EPN3: variants seen among roughly 807,000 people sequenced by gnomAD.
The protein encoded by EPN3 is epsin-3.
In EPN3, 56 loss-of-function variants were observed where a neutral mutation model predicts 55.5. The observed-to-expected ratio is 1.01, with a 90% CI of 0.81 to 1.26. The LOEUF is 1.26. Ranked by LOEUF, EPN3 falls within the 50% of genes most tolerant of loss-of-function variation. The pLI, the probability that EPN3 is intolerant of heterozygous loss-of-function variation, is 0.00. For synonymous variants in EPN3, 449 were observed against 375.2 expected (o/e 1.20, Z -2.27); for missense variants, 927 against 853.4 (o/e 1.09, Z -1.07).
chr17:50,537,888 C>T (rs575664496), intron 2 of EPN3, 191 bp from the exon 3 acceptor site: 18 of 568,048 alleles, frequency 3.2e-5, no homozygotes, highest in Middle Eastern at 7.1e-4. Flanking sequence ...GGACTGGAGC[C>T]GCCCCTCCAT....
chr17:50,535,515 G>T (rs1315003810), intron 1 of EPN3, among the ~76,000 whole-genome samples: 1 of 152,170 alleles, frequency 6.6e-6, no homozygotes, highest in African/African-American at 2.4e-5. Flanking sequence ...CCAGGTCATA[G>T]CATTTCTTCT....
At chr17:50,535,234 GAGA>G (rs528254322) in intron 1 of EPN3, among the ~76,000 whole-genome samples, 79 of 152,356 alleles carry the variant, frequency 5.2e-4, no homozygotes, top group Non-Finnish European at 1.0e-3. Flanking sequence ...CATTCTAGCT[GAGA>G]AGGTGGGACT....
chr17:50,541,287 G>C lies in EPN3; in HGVS notation c.1308G>C (p.Glu436Asp). Residue 436 changes from glutamate (E) to aspartate (D), a missense_variant, in exon 8 of 10, where the codon GAG (glutamate) becomes GAC (aspartate). Glu to Asp is a conservative substitution (Grantham distance 45, BLOSUM62 2). Coordinates refer to ENST00000268933, the MANE Select transcript of EPN3 (RefSeq NM_017957.3). Reference sequence around the variant, plus strand: ...CTCCAGAATCCACAGAGACCAAGGAGGGGCTGGAGCAGGCCCTGCCCTCTG... The same window carrying C: ...CTCCAGAATCCACAGAGACCAAGGACGGGCTGGAGCAGGCCCTGCCCTCTG... The part of the protein sequence containing the change: ...AKPPESTETK[E>D]GLEQALPSGK... 1 of 1,613,434 alleles carries C rather than the reference G, an allele frequency of 6.2e-7. No individual in the cohort carries two copies. The highest frequency in any genetic ancestry group is 8.5e-7 in the Non-Finnish European group (1 of 1,180,014).
chr17:50,538,095 C>T lies in EPN3; in HGVS notation c.579C>T (p.Pro193=), dbSNP rs771065300. ...PSSYNSSSSS[P]RYTSDLEQAR... Reference sequence around the variant, plus strand: ...TCATTGCAGCCTCCTCTTCGTCACCCCGCTATACCTCCGACCTGGAGCAGG... The same window carrying T: ...TCATTGCAGCCTCCTCTTCGTCACCTCGCTATACCTCCGACCTGGAGCAGG... Residue 193 remains proline, a synonymous_variant, in exon 3 of 10, where the codon CCC becomes CCT. Coordinates refer to ENST00000268933, the MANE Select transcript of EPN3 (RefSeq NM_017957.3). 1.9e-6 allele frequency: 3 copies of T among 1,613,996 alleles called. No individual in the cohort carries two copies. The highest frequency in any genetic ancestry group is 1.7e-5 in the Admixed American group (1 of 60,010).
At position 50,536,847 on chromosome 17, in the gene EPN3, C is replaced by T. The variant is rs755709331; in HGVS notation, c.291C>T (p.Arg97=). The T allele has an allele frequency of 7.4e-6, 12 of 1,614,006 alleles. No homozygotes were observed. Among genetic ancestry groups the T allele is most frequent in the African/African-American group, 4.0e-5 (3 of 74,920 alleles). The change falls in exon 2 of 10, where the codon CGC becomes CGT. Residue 97 remains arginine (R), a synonymous_variant. Coordinates refer to ENST00000268933, the MANE Select transcript of EPN3 (RefSeq NM_017957.3). The stretch of plus-strand genomic sequence containing the variant: ...CCGAGCGGGTGGCCCACCAGTGCCG[C>T]GAGAACCTCTACACCATCCAGACAC... ...TGSERVAHQC[R]ENLYTIQTLK... is the part of the protein sequence containing the mutation.
At position 50,541,047 on chromosome 17, in the gene EPN3, A is replaced by T; in HGVS notation, c.1234A>T (p.Thr412Ser). The change falls in exon 7 of 10, where the codon ACC (threonine) becomes TCC (serine). Residue 412 changes from threonine (T) to serine (S), a missense_variant. Physicochemically the swap from Thr to Ser is moderately conservative, Grantham distance 58. Coordinates refer to ENST00000268933, the MANE Select transcript of EPN3 (RefSeq NM_017957.3). Reference protein sequence around the residue: ...GADPWGASLETSDTPGGASTF... With the variant: ...GADPWGASLESSDTPGGASTF... Reference sequence around the variant, plus strand: ...TGACCCTTGGGGAGCCTCCCTGGAGACCTCCGACACACCTGGTAAGAAGAG... The same window carrying T: ...TGACCCTTGGGGAGCCTCCCTGGAGTCCTCCGACACACCTGGTAAGAAGAG... 6.3e-7 allele frequency: 1 copy of T among 1,580,012 alleles called. No homozygotes were observed.
rs2144041714 is a variant in EPN3 at position 50,542,239 on chromosome 17, C to T, written c.*82C>T. 4 of 1,365,756 alleles carry T rather than the reference C, an allele frequency of 2.9e-6. No homozygotes were observed. Among genetic ancestry groups the T allele is most frequent in the Non-Finnish European group, 3.8e-6 (4 of 1,061,356 alleles). 84.6% of individuals were successfully genotyped at this position (1,365,756 alleles called of 1,614,324 possible). On this transcript the variant is annotated 3_prime_UTR_variant, in exon 10 of 10. Transcript: ENST00000268933. ...TCCGGACCCGGGGCTGGGCGGGGCGCCGGTGCTAGTGGAACGCCGAGCCAG... is the reference window on the plus strand; with the variant it reads ...TCCGGACCCGGGGCTGGGCGGGGCGTCGGTGCTAGTGGAACGCCGAGCCAG...
In EPN3 at chr17:50,536,986, C is replaced by G. The variant is rs371019202; in HGVS notation, c.430C>G (p.Arg144Gly). The G allele has an allele frequency of 6.2e-7, 1 of 1,613,686 alleles. No homozygotes were observed. Among genetic ancestry groups the G allele is most frequent in the Non-Finnish European group, 8.5e-7 (1 of 1,179,960 alleles). The change falls in exon 2 of 10, where the codon CGA (arginine) becomes GGA (glycine). Residue 144 changes from arginine to glycine, a missense_variant. By Grantham distance (125) the Arg-to-Gly change is moderately radical (BLOSUM62 -2). Transcript: ENST00000268933. ...LKDEERLRQERTHALKTKERM... is the reference protein window; with the variant it reads ...LKDEERLRQEGTHALKTKERM... ...GGATGAGGAGCGGCTGCGGCAGGAG[C>G]GAACCCACGCCCTCAAGACCAAGGA... is the stretch of plus-strand genomic sequence containing the variant.
chr17:50,534,021 G>A (rs1004919195), intron 1 of EPN3, among the ~76,000 whole-genome samples: 2 of 152,228 alleles, frequency 1.3e-5, no homozygotes, highest in African/African-American at 4.8e-5. Context: ...TTGTAACACT[G>A]CTGGCAGCGC....
In EPN3 at chr17:50,542,094, C is replaced by G. The variant is rs765353129; in HGVS notation, c.1836C>G (p.Pro612=). ...CCTTCGCACCGCAGCCGCTGCTGCC[C>G]ACGCCGAGCTCAGCCGGGCCGCGGC... The part of the protein sequence containing the change: ...AGAFAPQPLL[P]TPSSAGPRPP... The change falls in exon 10 of 10, where the codon CCC becomes CCG. Residue 612 remains proline (P), a synonymous_variant. Transcript: ENST00000268933. 1 of 1,567,310 alleles carries G rather than the reference C, an allele frequency of 6.4e-7. No individual in the cohort carries two copies. Among genetic ancestry groups the G allele is most frequent in the Non-Finnish European group, 8.6e-7 (1 of 1,166,882 alleles).
intron 2 of EPN3, 38 bp downstream of exon 2, chr17:50,537,156 G>A: frequency 6.6e-7 from 1 of 1,518,342 alleles, no homozygotes; most frequent in Non-Finnish European, 8.8e-7. Flanking sequence ...ATGGGGAGGT[G>A]GCCCGACTTC....
chr17:50,537,532 C>T (rs887374742), intron 2 of EPN3: 2 of 235,014 alleles, frequency 8.5e-6, no homozygotes, highest in African/African-American at 2.3e-5. Flanking sequence ...GGTTCAGGAA[C>T]GTCCTCTACC....
In EPN3 at chr17:50,535,554, ACTC is replaced by A. The variant is rs567928271; in HGVS notation, c.-136-861_-136-859del. Among the ~76,000 whole-genome samples the A allele has an allele frequency of 8.1e-3, 1,228 of 151,132 alleles. 19 individuals are homozygous for A. Among genetic ancestry groups the A allele is most frequent in the African/African-American group, 0.029 (1,183 of 41,118 alleles). On this transcript the variant is annotated intron_variant, in intron 1 of 9. Transcript: ENST00000268933. ...CCGCCCTCCCCTGACTTGCTGGTTC[ACTC>A]CTCCTTACTCTTCCCTTGTGATCTT...
In EPN3 at chr17:50,540,288, GGCCCC is replaced by G; in HGVS notation, c.938_942del (p.Pro313LeufsTer7). 6.2e-7 allele frequency: 1 copy of G among 1,612,632 alleles called. No individual in the cohort carries two copies. Among genetic ancestry groups the G allele is most frequent in the Non-Finnish European group, 8.5e-7 (1 of 1,179,948 alleles). ...TGGCTGACATCTTCGTACCTGCCCT[GGCCCC>G]GCCCTCCACACACTGCTCTGCTGAC... is the stretch of plus-strand genomic sequence containing the variant. On this transcript the variant is annotated frameshift_variant, in exon 6 of 10. Coordinates refer to ENST00000268933, the MANE Select transcript of EPN3 (RefSeq NM_017957.3). LOFTEE classifies it high-confidence loss of function.
In EPN3 at chr17:50,540,273, C is replaced by T. The variant is rs2034828512; in HGVS notation, c.918C>T (p.Ile306=). 2 of 1,612,792 alleles carry T rather than the reference C, an allele frequency of 1.2e-6. No individual in the cohort carries two copies. Among genetic ancestry groups the T allele is most frequent in the Middle Eastern group, 1.7e-4 (1 of 6,058 alleles). The part of the protein sequence containing the change: ...SQSSILDLAD[I]FVPALAPPST... ...CCTCCATCCTGGACTTGGCTGACAT[C>T]TTCGTACCTGCCCTGGCCCCGCCCT... Residue 306 remains isoleucine (I), a synonymous_variant, in exon 6 of 10, where the codon ATC becomes ATT. Transcript: ENST00000268933.
Position 50,532,827 on chromosome 17 carries a change from T to G in EPN3, c.-295T>G, listed in dbSNP as rs1407701252. On this transcript the variant is annotated 5_prime_UTR_variant, in exon 1 of 10. Coordinates refer to ENST00000268933, the MANE Select transcript of EPN3 (RefSeq NM_017957.3). ...CCTGCCGCTGCCCCTCTGAGGGGTC[T>G]GCACCTCCTGGGAGCAGGTGGGTCT... 4.9e-6 allele frequency: 6 copies of G among 1,216,078 alleles called. No homozygotes were observed. Among genetic ancestry groups the G allele is most frequent in the Non-Finnish European group, 6.5e-6 (6 of 927,654 alleles). 75.3% of individuals were successfully genotyped at this position (1,216,078 alleles called of 1,614,324 possible). A position where few individuals can be genotyped will look rare whatever the true frequency, so the allele number is the denominator to read the frequency against.
In EPN3 at chr17:50,538,359, G is replaced by A. The variant is rs899711148; in HGVS notation, c.681+162G>A. 3 of 605,372 alleles carry A rather than the reference G, an allele frequency of 5.0e-6. No individual in the cohort carries two copies. In the African/African-American group the frequency reaches 5.6e-5, roughly 11 times the overall value. The allele number at this position is 605,372 out of a possible 1,614,324, so 37.5% of individuals were successfully genotyped here. On this transcript the variant is annotated intron_variant, in intron 3 of 9. Coordinates refer to ENST00000268933, the MANE Select transcript of EPN3 (RefSeq NM_017957.3). ...ATCTCTGTCGGTTTGTCGCAGGCAG[G>A]GACTGCCTCCCTGCCTCCAGTCCTC...
intron 6 of EPN3, 89 bp from the exon 7 acceptor site, chr17:50,540,704 C>T: frequency 6.7e-7 from 1 of 1,482,806 alleles, no homozygotes; most frequent in South Asian, 1.4e-5. Flanking sequence ...GGATCTTCTG[C>T]CTCCCAACTT....
At position 50,536,685 on chromosome 17, in the gene EPN3, C is replaced by T. The variant is rs754223433; in HGVS notation, c.129C>T (p.Ile43=). ...CCCCTAGTTCGCTCATGTCCGAGATCGCTGACCTGACCTTCAACACAGTGG... is the reference window on the plus strand; with the variant it reads ...CCCCTAGTTCGCTCATGTCCGAGATTGCTGACCTGACCTTCAACACAGTGG... The part of the protein sequence containing the change: ...WGPPSSLMSE[I]ADLTFNTVAF... The change falls in exon 2 of 10, where the codon ATC becomes ATT. Residue 43 remains isoleucine, a synonymous_variant. Coordinates refer to ENST00000268933, the MANE Select transcript of EPN3 (RefSeq NM_017957.3). The T allele has an allele frequency of 5.6e-6, 9 of 1,614,074 alleles. No homozygotes were observed. Among genetic ancestry groups the T allele is most frequent in the Non-Finnish European group, 7.6e-6 (9 of 1,180,024 alleles).
Sources: allele counts gnomAD v4.1 joint callset (sites outside exome capture counted in the v4.1 genomes callset), GRCh38; gene constraint gnomAD v4.1.1; transcripts MANE v1.5; gene names NCBI Gene and HGNC (gene_info 2026-07-23, HGNC 2026-07-21).